ZNF385D: variants seen among roughly 807,000 people sequenced by gnomAD.
ZNF385D encodes zinc finger protein 385D.
In ZNF385D, 15 loss-of-function variants were observed where a neutral mutation model predicts 35.8. That is an observed-to-expected ratio of 0.42 (90% confidence interval 0.28 to 0.64). ZNF385D has a LOEUF of 0.64. Among genes scored for constraint, ZNF385D ranks in the 30% least tolerant of loss-of-function variants. The pLI, the probability that ZNF385D is intolerant of heterozygous loss-of-function variation, is 0.23. For synonymous variants in ZNF385D, 212 were observed against 186.8 expected (o/e 1.13, Z -1.10); for missense variants, 474 against 494.6 (o/e 0.96, Z 0.39).
At chr3:21,812,349 T>A (rs951387679) in intron 3 of ZNF385D, among the ~76,000 whole-genome samples, 1 of 152,208 alleles carries the variant, frequency 6.6e-6, no homozygotes, top group African/African-American at 2.4e-5. Context: ...CTGGGGCTTG[T>A]TGGACAGTGG....
intron 3 of ZNF385D, among the ~76,000 whole-genome samples, chr3:21,925,588 A>G (rs895773861): frequency 4.6e-5 from 7 of 152,186 alleles, no homozygotes; most frequent in African/African-American, 1.4e-4. Context: ...GACTTGACCC[A>G]AAAAGGATAA....
intron 3 of ZNF385D, among the ~76,000 whole-genome samples, chr3:22,091,290 C>T (rs779678802): frequency 1.1e-4 from 17 of 152,152 alleles, no homozygotes; most frequent in Non-Finnish European, 2.2e-4. Context: ...TAAACCATAG[C>T]ACTGAGAAAT....
At chr3:21,556,220 A>G (rs1350112133) in intron 3 of ZNF385D, among the ~76,000 whole-genome samples, 1 of 151,810 alleles carries the variant, frequency 6.6e-6, no homozygotes, top group Non-Finnish European at 1.5e-5. Context: ...GAAGCTCTTT[A>G]GCTTAATTAG....
At chr3:21,661,853 C>T (rs1323679161) in intron 2 of ZNF385D, among the ~76,000 whole-genome samples, 3 of 152,100 alleles carry the variant, frequency 2.0e-5, no homozygotes, top group African/African-American at 2.4e-5. Context: ...CTTTTATAGA[C>T]GTTTCATTCT....
chr3:21,975,694 A>G (rs1293957785), intron 3 of ZNF385D, among the ~76,000 whole-genome samples: 1 of 133,390 alleles, frequency 7.5e-6, no homozygotes, highest in Non-Finnish European at 1.6e-5. Context: ...CCTATTATGT[A>G]CCCACGAAAT....
In ZNF385D at chr3:21,936,776, C is replaced by G. The variant is rs187102437; in HGVS notation, c.325+232041G>C. Among the ~76,000 whole-genome samples the G allele has an allele frequency of 2.2e-3, 339 of 152,154 alleles. 2 individuals carry two copies. Among genetic ancestry groups the G allele is most frequent in the African/African-American group, 7.7e-3 (320 of 41,532 alleles). On this transcript the variant is annotated intron_variant, in intron 3 of 5. Coordinates refer to the ZNF385D transcript ENST00000494108. ...TTAAAAAATCTTACAGACTCAAAAA[C>G]TGAAGCAATACCTGGAGGATTTTAT...
At chr3:21,976,549 C>T (rs952083773) in intron 3 of ZNF385D, among the ~76,000 whole-genome samples, 4 of 152,094 alleles carry the variant, frequency 2.6e-5, no homozygotes, top group African/African-American at 9.7e-5. Context: ...CAGAAGAGTA[C>T]AGGAGACATA....
At chr3:21,887,067 T>A (rs149293732) in intron 3 of ZNF385D, among the ~76,000 whole-genome samples, 1 of 152,270 alleles carries the variant, frequency 6.6e-6, no homozygotes, top group Non-Finnish European at 1.5e-5. Context: ...ATGTGTCAAG[T>A]TGCCCCATTA....
At chr3:21,790,903 T>C (rs2071900900) in intron 3 of ZNF385D, among the ~76,000 whole-genome samples, 2 of 152,300 alleles carry the variant, frequency 1.3e-5, no homozygotes, top group African/African-American at 4.8e-5. Context: ...TTTAGGACTA[T>C]TTATTTTCTC....
intron 2 of ZNF385D, among the ~76,000 whole-genome samples, chr3:22,247,992 T>C (rs1468407306): frequency 1.3e-5 from 2 of 152,148 alleles, no homozygotes; most frequent in Non-Finnish European, 2.9e-5. Context: ...GTGAACTTTA[T>C]ATAAATAAGT....
At chr3:21,927,524 T>C (rs1700789068) in intron 3 of ZNF385D, among the ~76,000 whole-genome samples, 1 of 152,152 alleles carries the variant, frequency 6.6e-6, no homozygotes, top group Non-Finnish European at 1.5e-5. Context: ...CAATACTCAG[T>C]ATTAAAACGA....
chr3:22,019,520 T>A (rs959024639), intron 3 of ZNF385D, among the ~76,000 whole-genome samples: 2 of 151,990 alleles, frequency 1.3e-5, no homozygotes, highest in African/African-American at 4.8e-5. Context: ...AACCTCTATA[T>A]GCATGAAAAA....
At chr3:21,909,232 C>A (rs1242225309) in intron 3 of ZNF385D, among the ~76,000 whole-genome samples, 2 of 152,074 alleles carry the variant, frequency 1.3e-5, no homozygotes, top group African/African-American at 4.8e-5. Flanking sequence ...CAATCACATT[C>A]CATTTTTGGA....
intron 3 of ZNF385D, among the ~76,000 whole-genome samples, chr3:22,003,792 AG>A (rs1286493288): frequency 6.6e-6 from 1 of 151,630 alleles, no homozygotes; most frequent in Non-Finnish European, 1.5e-5. Context: ...GCTTGAACCT[AG>A]GGGGCAGAGG....
intron 3 of ZNF385D, among the ~76,000 whole-genome samples, chr3:22,113,853 T>TC (rs770943106): frequency 2.6e-5 from 4 of 152,110 alleles, no homozygotes; most frequent in Non-Finnish European, 5.9e-5. Context: ...TAGAGATCAT[T>TC]CCTATTACCC....
At chr3:22,281,453 T>C (rs1701736098) in intron 2 of ZNF385D, among the ~76,000 whole-genome samples, 1 of 152,146 alleles carries the variant, frequency 6.6e-6, no homozygotes, top group Non-Finnish European at 1.5e-5. Context: ...AAAGGGATGC[T>C]GGATTTTGTC....
At chr3:21,546,769 A>G (rs1308682791) in intron 3 of ZNF385D, among the ~76,000 whole-genome samples, 5 of 151,936 alleles carry the variant, frequency 3.3e-5, no homozygotes, top group African/African-American at 9.7e-5. Context: ...AGGTCTAGGG[A>G]ACTCCAAGGC....
At chr3:22,021,642 T>C (rs1697230213) in intron 3 of ZNF385D, among the ~76,000 whole-genome samples, 1 of 152,064 alleles carries the variant, frequency 6.6e-6, no homozygotes, top group Admixed American at 6.6e-5. Context: ...AAATACTCAA[T>C]ACAAGTTGAA....
chr3:22,145,410 G>T (rs1470396657), intron 3 of ZNF385D, among the ~76,000 whole-genome samples: 1 of 152,206 alleles, frequency 6.6e-6, no homozygotes, highest in African/African-American at 2.4e-5. Flanking sequence ...TCTCTTTGAA[G>T]AAGTCTCCTC....
Sources: allele counts gnomAD v4.1 joint callset (sites outside exome capture counted in the v4.1 genomes callset), GRCh38; gene constraint gnomAD v4.1.1; transcripts MANE v1.5; gene names NCBI Gene and HGNC (gene_info 2026-07-23, HGNC 2026-07-21).